PCYT1B: variants seen among roughly 807,000 people sequenced by gnomAD.
PCYT1B encodes the protein choline-phosphate cytidylyltransferase B.
In PCYT1B, 10 loss-of-function variants were observed where a neutral mutation model predicts 26.4. The ratio of observed to expected loss-of-function variants is 0.38; its 90% CI spans 0.23 to 0.64. The LOEUF (loss-of-function observed/expected upper bound fraction) is 0.64. Among genes scored for constraint, PCYT1B ranks in the 30% least tolerant of loss-of-function variants. The pLI, the probability that PCYT1B is intolerant of heterozygous loss-of-function variation, is 0.56. For missense variants in PCYT1B, 161 were observed against 292.7 expected, an observed-to-expected ratio of 0.55 and a Z score of 3.28; for synonymous variants, 131 against 108.4, an observed-to-expected ratio of 1.21 and a Z score of -1.29.
chrX:24,638,354 T>G (rs1190246194), intron 1 of PCYT1B, among the ~76,000 whole-genome samples: 2 of 111,882 alleles, frequency 1.8e-5, no homozygotes, highest in African/African-American at 6.5e-5. Flanking sequence ...TCAAGATTGT[T>G]GAGTGCTAAA....
At chrX:24,656,551 CTTTTTTTTTT>C (rs1179469896) in intron 1 of PCYT1B, among the ~76,000 whole-genome samples, 2 of 56,636 alleles carry the variant, frequency 3.5e-5, no homozygotes, top group Non-Finnish European at 6.0e-5. Context: ...TCTTTTTTTC[CTTTTTTTTTT>C]TTTTTTTTTT....
chrX:24,604,706 C>T (rs1053188479), intron 3 of PCYT1B, among the ~76,000 whole-genome samples: 2 of 111,226 alleles, frequency 1.8e-5, no homozygotes, highest in African/African-American at 3.3e-5. Flanking sequence ...CAGGCATGCA[C>T]CACCATGCCC....
chrX:24,669,201 C>T (rs1417633336), intron 1 of PCYT1B, among the ~76,000 whole-genome samples: 6 of 111,756 alleles, frequency 5.4e-5, no homozygotes, highest in East Asian at 2.8e-4. Flanking sequence ...AGAATAGTCA[C>T]GAGCCACATA....
At chrX:24,593,897 T>A (rs2148237299) in intron 3 of PCYT1B, among the ~76,000 whole-genome samples, 1 of 111,392 alleles carries the variant, frequency 9.0e-6, no homozygotes, top group East Asian at 2.8e-4. Context: ...TAAATATATA[T>A]ATATATGCCT....
In PCYT1B at chrX:24,578,956, G is replaced by A. The variant is rs866878207; in HGVS notation, c.708+360C>T. On this transcript the variant is annotated intron_variant, in intron 6 of 7. Transcript: ENST00000379144. ...AAATGGGGATAATAATACATCATGG[G>A]TTATTGTGTGGGTTAAATGAGAAAA... 4.5e-5 allele frequency among the ~76,000 whole-genome samples: 5 copies of A among 111,291 alleles called. No homozygotes were observed. The South Asian group carries it at 1.9e-3, about 42-fold the overall frequency.
At chrX:24,614,562 T>G (rs1462482308) in intron 2 of PCYT1B, among the ~76,000 whole-genome samples, 1 of 111,657 alleles carries the variant, frequency 9.0e-6, no homozygotes. Context: ...AACAAAAAAC[T>G]ATAATCTTGA....
At chrX:24,658,107 T>C (rs765307424) in intron 1 of PCYT1B, 2 of 111,911 alleles carry the variant, frequency 1.8e-5, no homozygotes, top group South Asian at 7.5e-4. Flanking sequence ...CTTCTGCATA[T>C]GATACAAATG....
At chrX:24,669,134 G>A (rs1036233960) in intron 1 of PCYT1B, among the ~76,000 whole-genome samples, 3 of 111,881 alleles carry the variant, frequency 2.7e-5, no homozygotes, top group African/African-American at 9.7e-5. Context: ...GAGATATTAT[G>A]GTTTAAAGCA....
At chrX:24,568,372 C>T (rs1923703337) in intron 7 of PCYT1B, among the ~76,000 whole-genome samples, 1 of 111,022 alleles carries the variant, frequency 9.0e-6, no homozygotes, top group African/African-American at 3.3e-5. Context: ...CCCATCTCTA[C>T]AAACAATTTT....
intron 1 of PCYT1B, among the ~76,000 whole-genome samples, chrX:24,671,683 C>T (rs1248062500): frequency 9.0e-6 from 1 of 111,162 alleles, no homozygotes; most frequent in African/African-American, 3.3e-5. Flanking sequence ...CCAGCTTCAC[C>T]GTTAAGCAGA....
At chrX:24,597,411 C>T (rs745402798) in intron 3 of PCYT1B, among the ~76,000 whole-genome samples, 4 of 112,002 alleles carry the variant, frequency 3.6e-5, no homozygotes, top group African/African-American at 9.7e-5. Flanking sequence ...CATGAGCCAC[C>T]GCACCCAGCC....
chrX:24,561,578 T>C lies in PCYT1B; in HGVS notation c.*715A>G, dbSNP rs1234262290. Reference sequence around the variant, plus strand: ...GATTAAGGTAATTTCTGCAAAACAATGAAGTCAAACCAGTGATGAGAAAGT... The same window carrying C: ...GATTAAGGTAATTTCTGCAAAACAACGAAGTCAAACCAGTGATGAGAAAGT... On this transcript the variant is annotated 3_prime_UTR_variant, in exon 8 of 8. Coordinates refer to ENST00000379144, the MANE Select transcript of PCYT1B (RefSeq NM_004845.5). The C allele has an allele frequency of 6.2e-5, 7 of 112,930 alleles. No homozygotes were observed. The highest frequency in any genetic ancestry group is 1.1e-4 in the Non-Finnish European group (6 of 53,773). 9.3% of individuals were successfully genotyped at this position (112,930 alleles called of 1,213,427 possible). A position where few individuals can be genotyped will look rare whatever the true frequency, so the allele number is the denominator to read the frequency against.
chrX:24,593,670 G>A (rs1364665177), intron 3 of PCYT1B, among the ~76,000 whole-genome samples: 2 of 108,792 alleles, frequency 1.8e-5, no homozygotes, highest in Admixed American at 2.0e-4. Context: ...GGGATTACAG[G>A]CACCTGCCAC....
At chrX:24,633,412 A>G (rs112712637) in intron 1 of PCYT1B, among the ~76,000 whole-genome samples, 1 of 107,616 alleles carries the variant, frequency 9.3e-6, no homozygotes, top group African/African-American at 3.4e-5. Flanking sequence ...GGTGGCTCAC[A>G]CCTGTAATCC....
intron 7 of PCYT1B, among the ~76,000 whole-genome samples, chrX:24,572,261 C>T (rs952600170): frequency 3.2e-5 from 2 of 62,890 alleles, no homozygotes; most frequent in South Asian, 7.8e-4. Flanking sequence ...TACACACACG[C>T]GCGCGCACAC....
chrX:24,584,500 G>T (rs776820987), intron 5 of PCYT1B, among the ~76,000 whole-genome samples: 10 of 111,409 alleles, frequency 9.0e-5, no homozygotes, highest in African/African-American at 3.3e-4. Flanking sequence ...ACAAGATTGA[G>T]ACTTGAGAAT....
intron 1 of PCYT1B, among the ~76,000 whole-genome samples, chrX:24,644,240 C>T (rs374803459): frequency 2.2e-4 from 25 of 111,678 alleles, no homozygotes; most frequent in African/African-American, 6.5e-4. Context: ...CTACAGTGAT[C>T]AAAGTTAGCT....
At chrX:24,564,091 A>AT (rs1238414677) in intron 7 of PCYT1B, among the ~76,000 whole-genome samples, 8 of 109,954 alleles carry the variant, frequency 7.3e-5, no homozygotes, top group Non-Finnish European at 1.9e-5. Context: ...CTGACGCAGG[A>AT]GAACCACTTG....
intron 1 of PCYT1B, among the ~76,000 whole-genome samples, chrX:24,627,953 G>T (rs1925932590): frequency 9.0e-6 from 1 of 111,636 alleles, no homozygotes; most frequent in African/African-American, 3.3e-5. Context: ...GGAAGAGTAG[G>T]TCTAGGGGTG....
Sources: allele counts gnomAD v4.1 joint callset (sites outside exome capture counted in the v4.1 genomes callset), GRCh38; gene constraint gnomAD v4.1.1; transcripts MANE v1.5; gene names NCBI Gene and HGNC (gene_info 2026-07-23, HGNC 2026-07-21).